ACER3: variants seen among roughly 807,000 people sequenced by gnomAD.
ACER3 encodes alkCDase 3.
A neutral mutation model predicts 48.9 loss-of-function variants in ACER3; 16 were observed. The observed-to-expected ratio is 0.33, with a 90% CI of 0.22 to 0.50. ACER3 has a LOEUF of 0.50. Ranked by LOEUF, ACER3 falls within the 20% of genes least tolerant of loss-of-function variation. The probability of loss-of-function intolerance (pLI) is 0.98; values close to 1 mark genes in which losing one functional copy is unlikely to be tolerated. For missense variants in ACER3, 227 were observed against 326.0 expected, an observed-to-expected ratio of 0.70 and a Z score of 2.34; for synonymous variants, 109 against 107.8, an observed-to-expected ratio of 1.01 and a Z score of -0.07.
chr11:76,936,189 T>C (rs961667850), intron 2 of ACER3, among the ~76,000 whole-genome samples: 1 of 152,150 alleles, frequency 6.6e-6, no homozygotes, highest in Admixed American at 6.5e-5. Flanking sequence ...AAAGAGTAGA[T>C]TCGAATTAGA....
chr11:76,896,994 G>A (rs1433035681), intron 1 of ACER3, among the ~76,000 whole-genome samples: 2 of 152,090 alleles, frequency 1.3e-5, no homozygotes, highest in African/African-American at 2.4e-5. Flanking sequence ...GTCTTGCTCT[G>A]TTGCCCAGGC....
intron 4 of ACER3, among the ~76,000 whole-genome samples, chr11:76,983,310 C>A (rs1307104057): frequency 6.6e-6 from 1 of 152,040 alleles, no homozygotes; most frequent in Non-Finnish European, 1.5e-5. Context: ...ATGCTATTTT[C>A]AATAGTATTG....
At chr11:77,010,302 C>T (rs1021199436) in intron 7 of ACER3, among the ~76,000 whole-genome samples, 12 of 151,544 alleles carry the variant, frequency 7.9e-5, no homozygotes, top group African/African-American at 2.4e-4. Flanking sequence ...GAGCTATGAT[C>T]GCACCACTGC....
chr11:76,892,258 A>G (rs1384975800), intron 1 of ACER3, among the ~76,000 whole-genome samples: 1 of 152,210 alleles, frequency 6.6e-6, no homozygotes, highest in Non-Finnish European at 1.5e-5. Flanking sequence ...TTATAGGAAT[A>G]TAAACTCAAT....
chr11:77,016,177 G>T (rs951154544), intron 8 of ACER3, among the ~76,000 whole-genome samples: 15 of 151,330 alleles, frequency 9.9e-5, no homozygotes, highest in African/African-American at 2.9e-4. Context: ...TAGATTAAGA[G>T]CCTTAGATAT....
intron 1 of ACER3, among the ~76,000 whole-genome samples, chr11:76,911,263 A>C (rs1485011184): frequency 3.3e-5 from 5 of 152,186 alleles, no homozygotes; most frequent in Non-Finnish European, 7.3e-5. Context: ...TTTCCAGGAA[A>C]GGGGCGGGCA....
intron 9 of ACER3, among the ~76,000 whole-genome samples, chr11:77,018,654 G>C (rs1555023806): frequency 6.6e-6 from 1 of 152,244 alleles, no homozygotes; most frequent in Non-Finnish European, 1.5e-5. Flanking sequence ...CACACGAATA[G>C]TGAAAGTGAC....
At chr11:76,877,406 T>C (rs1336195692) in intron 1 of ACER3, among the ~76,000 whole-genome samples, 1 of 152,212 alleles carries the variant, frequency 6.6e-6, no homozygotes, top group East Asian at 1.9e-4. Flanking sequence ...CTTCACTCAC[T>C]TATTCATTTA....
chr11:76,980,276 C>T (rs961004967), intron 4 of ACER3, among the ~76,000 whole-genome samples: 11 of 152,132 alleles, frequency 7.2e-5, no homozygotes, highest in Admixed American at 2.6e-4. Flanking sequence ...AAAAACTATT[C>T]TGATGTTTAT....
chr11:76,878,708 G>A (rs1233834887), intron 1 of ACER3, among the ~76,000 whole-genome samples: 1 of 152,008 alleles, frequency 6.6e-6, no homozygotes, highest in South Asian at 2.1e-4. Flanking sequence ...GAATTGCCAG[G>A]TTAGGGTTGG....
At chr11:76,952,423 C>A (rs1050849998) in intron 2 of ACER3, among the ~76,000 whole-genome samples, 4 of 151,644 alleles carry the variant, frequency 2.6e-5, no homozygotes, top group African/African-American at 9.7e-5. Context: ...CGACGCCCGG[C>A]TAATTTTTGT....
intron 7 of ACER3, among the ~76,000 whole-genome samples, chr11:77,013,676 T>C (rs1949311318): frequency 6.6e-6 from 1 of 152,222 alleles, no homozygotes; most frequent in African/African-American, 2.4e-5. Flanking sequence ...TAGCAGTATC[T>C]TGAAAAATTA....
intron 2 of ACER3, among the ~76,000 whole-genome samples, chr11:76,932,012 A>G (rs1316775110): frequency 6.6e-6 from 1 of 151,144 alleles, no homozygotes; most frequent in Non-Finnish European, 1.5e-5. Flanking sequence ...GTAGTGGTAC[A>G]ATCTTGGCTC....
At position 76,898,684 on chromosome 11, in the gene ACER3, G is replaced by C. The variant is rs543712165; in HGVS notation, c.104-27873G>C. ...CTTTGGGAGGCCGAGGCGGGCGGAT[G>C]ACGAGGTCAGGAGATCGAGACCATC... is the stretch of plus-strand genomic sequence containing the variant. On this transcript the variant is annotated intron_variant, in intron 1 of 10. Transcript: ENST00000532485. Among the ~76,000 whole-genome samples, 401 of 151,124 alleles carry C rather than the reference G, an allele frequency of 2.7e-3. 1 individual carries two copies. Among genetic ancestry groups the C allele is most frequent in the South Asian group, 7.2e-3 (34 of 4,718 alleles).
chr11:76,906,072 G>A (rs1044046168), intron 1 of ACER3, among the ~76,000 whole-genome samples: 5 of 152,288 alleles, frequency 3.3e-5, no homozygotes, highest in South Asian at 2.1e-4. Context: ...GGCTGCCTTC[G>A]CTCATTACTG....
At chr11:77,009,655 T>C (rs1949221117) in intron 7 of ACER3, among the ~76,000 whole-genome samples, 1 of 152,014 alleles carries the variant, frequency 6.6e-6, no homozygotes, top group Non-Finnish European at 1.5e-5. Flanking sequence ...CAAAAAAAAT[T>C]AATAAATTAG....
chr11:76,861,136 C>T (rs921726510), intron 1 of ACER3, 57 bp downstream of exon 1: 42 of 1,480,550 alleles, frequency 2.8e-5, no homozygotes, highest in Non-Finnish European at 3.7e-5. Flanking sequence ...TGAGGAGACG[C>T]CGTGTGAGGA....
At chr11:76,986,774 G>T (rs1015031038) in intron 5 of ACER3, among the ~76,000 whole-genome samples, 23 of 152,112 alleles carry the variant, frequency 1.5e-4, no homozygotes, top group Non-Finnish European at 4.4e-5. Context: ...CCTCGAAGAA[G>T]TGTGGAGCAG....
chr11:76,999,623 A>G (rs544279100), intron 7 of ACER3, among the ~76,000 whole-genome samples: 225 of 151,924 alleles, frequency 1.5e-3, no homozygotes, highest in African/African-American at 5.3e-3. Flanking sequence ...CTCCTGCCCC[A>G]CCTCACTCCT....
Sources: allele counts gnomAD v4.1 joint callset (sites outside exome capture counted in the v4.1 genomes callset), GRCh38; gene constraint gnomAD v4.1.1; transcripts MANE v1.5; gene names NCBI Gene and HGNC (gene_info 2026-07-23, HGNC 2026-07-21).